RBFOX1: variants seen among roughly 807,000 people sequenced by gnomAD.
RBFOX1 encodes RNA binding fox-1 homolog 1.
Under a neutral mutation model 57.7 loss-of-function variants are expected in RBFOX1, and 8 were observed. The observed-to-expected ratio is 0.14, with a 90% CI of 0.08 to 0.25. The LOEUF (loss-of-function observed/expected upper bound fraction) is 0.25, where lower values mean the gene tolerates loss of function less well. Among genes scored for constraint, RBFOX1 ranks in the 10% least tolerant of loss-of-function variants. The pLI, the probability that RBFOX1 is intolerant of heterozygous loss-of-function variation, is 1.00. For missense variants in RBFOX1, 611 were observed against 548.5 expected, an observed-to-expected ratio of 1.11 and a Z score of -1.14; for synonymous variants, 326 against 222.4, an observed-to-expected ratio of 1.47 and a Z score of -4.15.
At chr16:7,031,353 T>C (rs969132294) in intron 3 of RBFOX1, among the ~76,000 whole-genome samples, 2 of 152,124 alleles carry the variant, frequency 1.3e-5, no homozygotes, top group African/African-American at 4.8e-5. Flanking sequence ...CTCAGCACTT[T>C]GGGAGGCCGA....
At chr16:6,349,316 A>G (rs1038507838) in intron 2 of RBFOX1, among the ~76,000 whole-genome samples, 2 of 151,952 alleles carry the variant, frequency 1.3e-5, no homozygotes, top group Non-Finnish European at 2.9e-5. Flanking sequence ...CTGACATTTT[A>G]CCTCTTAGAA....
At chr16:6,619,641 G>C (rs2098197046) in intron 2 of RBFOX1, among the ~76,000 whole-genome samples, 1 of 149,654 alleles carries the variant, frequency 6.7e-6, no homozygotes, top group East Asian at 2.0e-4. Context: ...CTGTGCCCCT[G>C]AGAAACTCTC....
intron 3 of RBFOX1, among the ~76,000 whole-genome samples, chr16:7,038,419 C>T (rs903006788): frequency 1.3e-5 from 2 of 152,076 alleles, no homozygotes; most frequent in Non-Finnish European, 2.9e-5. Flanking sequence ...TTTCTCCAGC[C>T]CTCCTCTGCC....
chr16:6,831,152 A>G (rs904882234), intron 3 of RBFOX1, among the ~76,000 whole-genome samples: 2 of 152,190 alleles, frequency 1.3e-5, no homozygotes, highest in Admixed American at 6.5e-5. Context: ...GGTTTTGCTC[A>G]TTATAATTTC....
At chr16:7,697,412 G>A (rs2079130591) in intron 14 of RBFOX1, among the ~76,000 whole-genome samples, 1 of 152,156 alleles carries the variant, frequency 6.6e-6, no homozygotes, top group Non-Finnish European at 1.5e-5. Flanking sequence ...CTTTATCCCT[G>A]TAGTAATTGT....
chr16:7,258,921 G>C (rs1232572511), intron 4 of RBFOX1, among the ~76,000 whole-genome samples: 1 of 152,156 alleles, frequency 6.6e-6, no homozygotes, highest in Non-Finnish European at 1.5e-5. Flanking sequence ...TTCCCATAAG[G>C]TGAAGTTTTT....
intron 4 of RBFOX1, among the ~76,000 whole-genome samples, chr16:7,186,805 G>T (rs1466813596): frequency 6.6e-6 from 1 of 151,036 alleles, no homozygotes; most frequent in African/African-American, 2.4e-5. Flanking sequence ...CAAGTATCCA[G>T]TCTGTATTAA....
At chr16:7,265,745 G>A (rs1375724810) in intron 4 of RBFOX1, among the ~76,000 whole-genome samples, 1 of 151,992 alleles carries the variant, frequency 6.6e-6, no homozygotes, top group African/African-American at 2.4e-5. Flanking sequence ...CACCATGCCT[G>A]GCCAGGTGTC....
At position 5,721,271 on chromosome 16, in the gene RBFOX1, A is replaced by T. The variant is rs534500236; in HGVS notation, c.318+122310A>T. The stretch of plus-strand genomic sequence containing the variant: ...AGTTGTTCATTACTAGTGTGAAGGA[A>T]TACAGCTGATTTTTGCAAATTAATC... On this transcript the variant is annotated intron_variant, in intron 3 of 19. Coordinates refer to the RBFOX1 transcript ENST00000641259. 1.9e-4 allele frequency among the ~76,000 whole-genome samples: 29 copies of T among 152,312 alleles called. No homozygotes were observed. In the South Asian group the frequency reaches 5.8e-3, roughly 31 times the overall value.
At chr16:7,007,952 A>C (rs151020108) in intron 3 of RBFOX1, among the ~76,000 whole-genome samples, 53 of 152,296 alleles carry the variant, frequency 3.5e-4, no homozygotes, top group African/African-American at 1.2e-3. Flanking sequence ...CGTGAGAAAC[A>C]CGTGAAATGG....
chr16:7,285,432 T>G (rs1603492679), intron 4 of RBFOX1, among the ~76,000 whole-genome samples: 1 of 151,910 alleles, frequency 6.6e-6, no homozygotes, highest in Non-Finnish European at 1.5e-5. Context: ...TTTATCTGGT[T>G]TTGTAGAATT....
intron 2 of RBFOX1, among the ~76,000 whole-genome samples, chr16:6,422,780 T>C (rs1261001861): frequency 6.6e-6 from 1 of 152,094 alleles, no homozygotes; most frequent in Non-Finnish European, 1.5e-5. Flanking sequence ...AATCCACCGC[T>C]GTGAGCCAAC....
intron 4 of RBFOX1, among the ~76,000 whole-genome samples, chr16:7,512,618 C>A (rs1228564779): frequency 6.6e-6 from 1 of 152,184 alleles, no homozygotes; most frequent in African/African-American, 2.4e-5. Flanking sequence ...GGCTCCTTGG[C>A]TACCATGGAC....
In RBFOX1 at chr16:6,320,828, C is replaced by T. The variant is rs544708366; in HGVS notation, c.-64+3771C>T. 5.3e-5 allele frequency among the ~76,000 whole-genome samples: 8 copies of T among 152,262 alleles called. No individual in the cohort carries two copies. In the South Asian group the frequency reaches 1.5e-3, roughly 28 times the overall value. On this transcript the variant is annotated intron_variant, in intron 2 of 15. Coordinates refer to ENST00000550418, the MANE Select transcript of RBFOX1 (RefSeq NM_018723.4). ...ATTATTTATGAGACAGAATCTCACT[C>T]TGTTGCCCAGGCTGGAGTGCAGTGG... is the stretch of plus-strand genomic sequence containing the variant.
intron 3 of RBFOX1, among the ~76,000 whole-genome samples, chr16:6,760,040 C>T (rs2076380801): frequency 6.6e-6 from 1 of 152,064 alleles, no homozygotes; most frequent in Non-Finnish European, 1.5e-5. Flanking sequence ...TCGTCAATGG[C>T]ACAGCAAAAG....
intron 11 of RBFOX1, among the ~76,000 whole-genome samples, chr16:7,635,945 G>A (rs2061682742): frequency 6.6e-6 from 1 of 152,036 alleles, no homozygotes; most frequent in Non-Finnish European, 1.5e-5. Flanking sequence ...CAAGTAGCTG[G>A]GACTACAGGC....
chr16:6,982,526 C>T (rs1314137705), intron 3 of RBFOX1, among the ~76,000 whole-genome samples: 1 of 152,180 alleles, frequency 6.6e-6, no homozygotes, highest in East Asian at 1.9e-4. Flanking sequence ...CGGCCTCGCC[C>T]TCTGTTCATC....
intron 1 of RBFOX1, among the ~76,000 whole-genome samples, chr16:6,089,064 TCAAA>T: frequency 1.2e-5 from 1 of 81,498 alleles, no homozygotes; most frequent in South Asian, 4.8e-4. Context: ...AAACTCTGTC[TCAAA>T]AAAAAAAAAA....
At chr16:6,606,322 C>G (rs1455767137) in intron 2 of RBFOX1, among the ~76,000 whole-genome samples, 1 of 152,016 alleles carries the variant, frequency 6.6e-6, no homozygotes, top group African/African-American at 2.4e-5. Context: ...ACATTTTTAT[C>G]TTGATGAATT....
Sources: gnomAD v4.1 joint callset for allele counts (sites outside exome capture counted in the v4.1 genomes callset) on GRCh38, gnomAD v4.1.1 for gene constraint, MANE v1.5 for transcripts, NCBI Gene and HGNC (gene_info 2026-07-23, HGNC 2026-07-21) for gene names.